Variants in BAZ2B observed in about 807,000 individuals in gnomAD.
BAZ2B encodes the protein bromodomain adjacent to zinc finger domain 2B, also known as bromodomain adjacent to zinc finger domain protein 2B.
Under a neutral mutation model 246.0 loss-of-function variants are expected in BAZ2B, and 91 were observed. That is an observed-to-expected ratio of 0.37 (90% CI 0.31 to 0.44). The LOEUF (loss-of-function observed/expected upper bound fraction) is 0.44. Ranked by LOEUF, BAZ2B falls within the 20% of genes least tolerant of loss-of-function variation. BAZ2B has a pLI of 1.00. For missense variants in BAZ2B, 2,332 were observed against 2,533.7 expected, an observed-to-expected ratio of 0.92 and a Z score of 1.71; for synonymous variants, 855 against 860.0, an observed-to-expected ratio of 0.99 and a Z score of 0.10.
intron 27 of BAZ2B, among the ~76,000 whole-genome samples, chr2:159,365,411 C>T (rs568117570): frequency 1.1e-3 from 163 of 152,266 alleles, no homozygotes; most frequent in South Asian, 4.1e-4. Context: ...CAGAAACAGA[C>T]GAAGAATCTA....
the BAZ2B span, among the ~76,000 whole-genome samples, chr2:159,703,504 G>T: frequency 1.3e-5 from 2 of 150,656 alleles, no homozygotes; most frequent in Non-Finnish European, 3.0e-5. Flanking sequence ...CAAAAAAAAA[G>T]CTTTCCCACA....
chr2:159,697,971 T>C, the BAZ2B span, among the ~76,000 whole-genome samples: 1 of 152,192 alleles, frequency 6.6e-6, no homozygotes, highest in Non-Finnish European at 1.5e-5. Flanking sequence ...TAAGTAACTT[T>C]GCCTCCCTCA....
At chr2:159,601,991 A>G (rs1692271867) in intron 1 of BAZ2B, among the ~76,000 whole-genome samples, 1 of 152,202 alleles carries the variant, frequency 6.6e-6, no homozygotes, top group South Asian at 2.1e-4. Flanking sequence ...TAGAAAATCA[A>G]CTGAAAAATT....
chr2:159,385,971 G>A (rs1253666828), intron 22 of BAZ2B, among the ~76,000 whole-genome samples: 1 of 152,132 alleles, frequency 6.6e-6, no homozygotes. Flanking sequence ...GTCTGTAGGT[G>A]CCTTGATTAG....
chr2:159,332,320 C>T (rs950801628), intron 34 of BAZ2B, among the ~76,000 whole-genome samples: 3 of 95,786 alleles, frequency 3.1e-5, no homozygotes, highest in Non-Finnish European at 7.1e-5. Context: ...GACCCTATCT[C>T]TCTCTCAAAA....
rs137922246 is a variant in BAZ2B at position 159,455,293 on chromosome 2, G to A, written c.146-1492C>T. The stretch of plus-strand genomic sequence containing the variant: ...AAACCAAGGGAAAGTCCTAAAAAAC[G>A]GTCAGTGTACCCTCTAAAGTCTGAT... On this transcript the variant is annotated intron_variant, in intron 3 of 36. Transcript: ENST00000392783. Among the ~76,000 whole-genome samples, 70 of 151,968 alleles carry A rather than the reference G, an allele frequency of 4.6e-4. No individual in the cohort carries two copies. The East Asian group carries it at 0.013, about 27-fold the overall frequency.
intron 1 of BAZ2B, among the ~76,000 whole-genome samples, chr2:159,602,868 G>A (rs1692484800): frequency 6.6e-6 from 1 of 152,210 alleles, no homozygotes; most frequent in Admixed American, 6.5e-5. Flanking sequence ...TAGGCATTGT[G>A]GCTCACACCT....
At chr2:159,618,384 C>T (rs558100334), upstream of BAZ2B, among the ~76,000 whole-genome samples, 27 of 152,056 alleles carry the variant, frequency 1.8e-4, no homozygotes, top group Non-Finnish European at 2.4e-4. Context: ...CAATAATTTC[C>T]TTATAATATA....
At chr2:159,347,736 G>C in intron 30 of BAZ2B, 90 bp from the exon 31 acceptor site, 1 of 1,121,038 alleles carries the variant, frequency 8.9e-7, no homozygotes, top group Non-Finnish European at 1.3e-6. Flanking sequence ...AATTCTAGGA[G>C]ACCCATGTAC....
the BAZ2B span, among the ~76,000 whole-genome samples, chr2:159,625,437 G>A: frequency 6.6e-6 from 1 of 152,168 alleles, no homozygotes; most frequent in Non-Finnish European, 1.5e-5. Flanking sequence ...GAAAGGTCGG[G>A]TTACCCACAA....
chr2:159,490,239 A>G (rs527458154), intron 2 of BAZ2B, among the ~76,000 whole-genome samples: 21 of 152,358 alleles, frequency 1.4e-4, no homozygotes, highest in African/African-American at 4.6e-4. Context: ...TGAAATATAT[A>G]GATGAAACAT....
At chr2:159,481,206 TATC>T (rs2079186592) in intron 2 of BAZ2B, among the ~76,000 whole-genome samples, 1 of 152,036 alleles carries the variant, frequency 6.6e-6, no homozygotes, top group South Asian at 2.1e-4. Context: ...TTTTATTTAC[TATC>T]ATCCCCTCTA....
intron 14 of BAZ2B, among the ~76,000 whole-genome samples, chr2:159,406,256 T>A (rs2065916929): frequency 6.6e-6 from 1 of 152,214 alleles, no homozygotes. Flanking sequence ...TTTGTTCTTG[T>A]GCTTTGCCCA....
At chr2:159,708,031 C>A in the BAZ2B span, among the ~76,000 whole-genome samples, 1 of 151,892 alleles carries the variant, frequency 6.6e-6, no homozygotes, top group Non-Finnish European at 1.5e-5. Context: ...TAGCTGTTAA[C>A]TGGATGTGGT....
At chr2:159,438,080 C>G (rs1031109385) in intron 8 of BAZ2B, 7 of 447,846 alleles carry the variant, frequency 1.6e-5, no homozygotes, top group Middle Eastern at 6.3e-4. Context: ...TGCAGGGGAG[C>G]TGGAATGACA....
In BAZ2B at chr2:159,347,250, G is replaced by A. The variant is rs116809406; in HGVS notation, c.5454+236C>T. Among the ~76,000 whole-genome samples, 1,269 of 152,250 alleles carry A rather than the reference G, an allele frequency of 8.3e-3. 19 individuals are homozygous for A. Among genetic ancestry groups the A allele is most frequent in the African/African-American group, 0.03 (1,227 of 41,540 alleles). On this transcript the variant is annotated intron_variant, in intron 31 of 36. Transcript: ENST00000392783. ...GATTACTAAAAAGAACATGGGCTCTGGAGTCAGACTTGGTTTAAATGCACA... is the reference window on the plus strand; with the variant it reads ...GATTACTAAAAAGAACATGGGCTCTAGAGTCAGACTTGGTTTAAATGCACA...
chr2:159,407,477 C>A (rs1181258989), intron 14 of BAZ2B, among the ~76,000 whole-genome samples: 1 of 152,082 alleles, frequency 6.6e-6, no homozygotes, highest in African/African-American at 2.4e-5. Context: ...CCCAAAGAAA[C>A]CCCAGGACTT....
intron 1 of BAZ2B, among the ~76,000 whole-genome samples, chr2:159,614,849 G>C (rs931510530): frequency 6.6e-6 from 1 of 152,030 alleles, no homozygotes; most frequent in African/African-American, 2.4e-5. Flanking sequence ...ATTTACTCTT[G>C]GGAAAATTTC....
the BAZ2B span, among the ~76,000 whole-genome samples, chr2:159,638,892 G>C: frequency 6.6e-6 from 1 of 152,074 alleles, no homozygotes; most frequent in Admixed American, 6.5e-5. Context: ...TCAAGTACAA[G>C]AAGGTTACAG....
Sources: gnomAD v4.1 joint callset for allele counts (sites outside exome capture counted in the v4.1 genomes callset) on GRCh38, gnomAD v4.1.1 for gene constraint, MANE v1.5 for transcripts, NCBI Gene and HGNC (gene_info 2026-07-23, HGNC 2026-07-21) for gene names.